SPC25: variants seen among roughly 807,000 people sequenced by gnomAD.
The protein encoded by SPC25 is SPC25 component of NDC80 kinetochore complex.
In SPC25, 22 loss-of-function variants were observed where a neutral mutation model predicts 29.6. The ratio of observed to expected loss-of-function variants is 0.74; its 90% CI spans 0.53 to 1.06. The LOEUF is 1.06. Among genes scored for constraint, SPC25 ranks in the 50% least tolerant of loss-of-function variants. The pLI, the probability that SPC25 is intolerant of heterozygous loss-of-function variation, is 0.00. For synonymous variants in SPC25, 91 were observed against 90.4 expected, an observed-to-expected ratio of 1.01 and a Z score of -0.04; for missense variants, 230 against 255.8, an observed-to-expected ratio of 0.90 and a Z score of 0.69.
chr2:168,879,730 A>G (rs1323053478), intron 3 of SPC25, among the ~76,000 whole-genome samples: 2 of 152,232 alleles, frequency 1.3e-5, no homozygotes, highest in Non-Finnish European at 2.9e-5. Flanking sequence ...GCCCAGATCT[A>G]TCAGAGTTAA....
chr2:168,862,031 G>A (rs1489151689), intron 4 of SPC25: 2 of 1,614,156 alleles, frequency 1.2e-6, no homozygotes, highest in South Asian at 2.2e-5. Flanking sequence ...GCAAGATGAT[G>A]AGTTGAATTT....
chr2:168,877,645 C>T (rs960858410), intron 3 of SPC25, among the ~76,000 whole-genome samples: 1 of 151,974 alleles, frequency 6.6e-6, no homozygotes, highest in African/African-American at 2.4e-5. Flanking sequence ...AACAGAAAAT[C>T]AAAAGATCAT....
At chr2:168,883,811 G>A (rs1370295035) in intron 3 of SPC25, among the ~76,000 whole-genome samples, 6 of 146,750 alleles carry the variant, frequency 4.1e-5, no homozygotes, top group African/African-American at 1.5e-4. Context: ...TCGCTCTGTC[G>A]CCAGGCTGCA....
At chr2:168,878,660 A>G (rs1690127475) in intron 3 of SPC25, among the ~76,000 whole-genome samples, 1 of 152,232 alleles carries the variant, frequency 6.6e-6, no homozygotes, top group Non-Finnish European at 1.5e-5. Context: ...CTGAAAACCT[A>G]TCAGAATTTG....
chr2:168,886,877 A>G (rs1690275883), intron 3 of SPC25, among the ~76,000 whole-genome samples: 1 of 152,188 alleles, frequency 6.6e-6, no homozygotes, highest in South Asian at 2.1e-4. Context: ...TTTAGACTAT[A>G]TAGAGCATAA....
rs1690083302 is a variant in SPC25 at position 168,876,144 on chromosome 2, T to A, written c.379A>T (p.Arg127Trp). 1 of 1,572,056 alleles carries A rather than the reference T, an allele frequency of 6.4e-7. No individual in the cohort carries two copies. Residue 127 changes from arginine to tryptophan, a missense_variant, in exon 5 of 7, where the codon AGG becomes TGG. By Grantham distance (101) the Arg-to-Trp change is moderately radical. Coordinates refer to ENST00000282074, the MANE Select transcript of SPC25 (RefSeq NM_020675.4). ...GCAGATTTCTGCAGCCTTTTCAACC[T>A]CTCTGCATTCGCTTTATTAGCAGTA... ...ISTANKANAE[R>W]LKRLQKSADL... is the part of the protein sequence containing the mutation.
chr2:168,889,871 G>T (rs1300343058), intron 1 of SPC25, among the ~76,000 whole-genome samples: 1 of 152,136 alleles, frequency 6.6e-6, no homozygotes, highest in East Asian at 1.9e-4. Flanking sequence ...TCTGAACAGA[G>T]ATCATCAGGA....
In SPC25 at chr2:168,871,522, G is replaced by C. The variant is rs1689985901; in HGVS notation, c.584C>G (p.Ala195Gly). 7.5e-6 allele frequency: 12 copies of C among 1,603,708 alleles called. No homozygotes were observed. The highest frequency in any genetic ancestry group is 1.7e-5 in the Admixed American group (1 of 58,464). Residue 195 changes from alanine to glycine, a missense_variant, in exon 7 of 7, where the codon GCA (alanine) becomes GGA (glycine). Ala to Gly is a moderately conservative substitution (Grantham distance 60, BLOSUM62 0). Coordinates refer to ENST00000282074, the MANE Select transcript of SPC25 (RefSeq NM_020675.4). ...SDSAPHLEGL[A>G]EFQENVRKTN... is the part of the protein sequence containing the mutation. ...CTTCCTTACATTCTCTTGAAATTCT[G>C]CTAGGCCCTCAAGATGAGGGGCACT...
At chr2:168,863,322 G>GACTA (rs1689596988) in intron 4 of SPC25, 4 of 811,820 alleles carry the variant, frequency 4.9e-6, no homozygotes, top group Middle Eastern at 6.2e-4. Context: ...AGTGATTTAT[G>GACTA]ACTAAGAAAA....
intron 4 of SPC25, chr2:168,863,394 A>AAAAG (rs1689606069): frequency 2.0e-6 from 2 of 983,894 alleles, no homozygotes; most frequent in African/African-American, 1.7e-5. Flanking sequence ...GTTGCTGAGG[A>AAAAG]AAAGAGTGAA....
chr2:168,878,831 T>G (rs1389681063), intron 3 of SPC25, among the ~76,000 whole-genome samples: 2 of 152,238 alleles, frequency 1.3e-5, no homozygotes, highest in African/African-American at 4.8e-5. Flanking sequence ...GTGCTATTTT[T>G]AAGTACTGGC....
intron 3 of SPC25, 116 bp from the exon 4 acceptor site, chr2:168,877,500 A>G (rs911461773): frequency 1.0e-5 from 12 of 1,156,442 alleles, no homozygotes; most frequent in Non-Finnish European, 1.3e-5. Flanking sequence ...TTGACTGATA[A>G]GCATTTTCTA....
chr2:168,883,810 C>T (rs1195199280), intron 3 of SPC25, among the ~76,000 whole-genome samples: 3 of 147,956 alleles, frequency 2.0e-5, no homozygotes, highest in Non-Finnish European at 4.4e-5. Context: ...CTCGCTCTGT[C>T]GCCAGGCTGC....
At position 168,877,299 on chromosome 2, in the gene SPC25, T is replaced by C; in HGVS notation, c.285A>G (p.Glu95=). 1 of 1,613,870 alleles carries C rather than the reference T, an allele frequency of 6.2e-7. No homozygotes were observed. Among genetic ancestry groups the C allele is most frequent in the Non-Finnish European group, 8.5e-7 (1 of 1,179,870 alleles). ...GGATATTTGCAGTCAGTACTTCCAA[T>C]TCCTGCTTTTTGCCTTTTACTTCAG... is the stretch of plus-strand genomic sequence containing the variant. ...LIAEVKGKKQ[E]LEVLTANIQD... is the part of the protein sequence containing the mutation. Residue 95 remains glutamate (E), a synonymous_variant, in exon 4 of 7, where the codon GAA becomes GAG. Transcript: ENST00000282074.
At chr2:168,872,211 G>C (rs1025970920) in intron 6 of SPC25, among the ~76,000 whole-genome samples, 1 of 152,114 alleles carries the variant, frequency 6.6e-6, no homozygotes, top group Non-Finnish European at 1.5e-5. Context: ...CAAGTGATCC[G>C]CCTGCCTCTG....
intron 4 of SPC25, 134 bp downstream of exon 4, chr2:168,877,104 T>C (rs1320780945): frequency 5.9e-6 from 5 of 849,238 alleles, no homozygotes; most frequent in Non-Finnish European, 8.9e-6. Context: ...CTTGCAGAGA[T>C]GAGTGGCTGG....
chr2:168,864,864 A>G lies in SPC25; in HGVS notation n.419+8721T>C, dbSNP rs939386114. ...ATTGTGATTATACACGAGAAAAAAG[A>G]AGGAGGATGGTGGTTTGGATCTTTG... On this transcript the variant is annotated intron_variant and non_coding_transcript_variant, in intron 4 of 4. Coordinates refer to the SPC25 transcript ENST00000479309. 1.9e-5 allele frequency: 31 copies of G among 1,614,016 alleles called. 1 individual carries two copies. Among genetic ancestry groups the G allele is most frequent in the Middle Eastern group, 1.7e-4 (1 of 6,058 alleles).
chr2:168,876,058 A>G lies in SPC25; in HGVS notation c.451+14T>C, dbSNP rs769832145. 7.0e-7 allele frequency: 1 copy of G among 1,436,472 alleles called. No homozygotes were observed. The highest frequency in any genetic ancestry group is 1.5e-5 in the South Asian group (1 of 68,672). The allele number at this position is 1,436,472 out of a possible 1,614,324, so 89.0% of individuals were successfully genotyped here. A position where few individuals can be genotyped will look rare whatever the true frequency, so the allele number is the denominator to read the frequency against. ...TTGTAATCTCCTATATTTTATTTAT[A>G]TTAACAAACTTACCATAAATTTTTC... is the stretch of plus-strand genomic sequence containing the variant. On this transcript the variant is annotated intron_variant, in intron 5 of 6. Transcript: ENST00000282074.
At chr2:168,870,866 CA>C (rs1212963288), downstream of SPC25, 1 of 151,332 alleles carries the variant, frequency 6.6e-6, no homozygotes, top group African/African-American at 2.5e-5. Context: ...GGTATATACC[CA>C]AGGGATTATA....
Sources: allele counts gnomAD v4.1 joint callset (sites outside exome capture counted in the v4.1 genomes callset), GRCh38; gene constraint gnomAD v4.1.1; transcripts MANE v1.5; gene names NCBI Gene and HGNC (gene_info 2026-07-23, HGNC 2026-07-21).